The following PDE4D variants were observed in gnomAD, a reference collection of about 807,000 sequenced individuals.
The protein encoded by PDE4D is phosphodiesterase 4D.
PDE4D carries 24 observed loss-of-function variants against 87.4 expected under a neutral mutation model. That is an observed-to-expected ratio of 0.27 (90% CI 0.20 to 0.39). The LOEUF (loss-of-function observed/expected upper bound fraction) is 0.39. PDE4D is among the 10% of genes least tolerant of loss of function. The pLI is 1.00. For synonymous variants in PDE4D, 384 were observed against 383.2 expected (o/e 1.00, Z -0.02); for missense variants, 714 against 1,041.0 (o/e 0.69, Z 4.32).
At chr5:59,933,573 T>C (rs370567649) in intron 3 of PDE4D, among the ~76,000 whole-genome samples, 3 of 152,240 alleles carry the variant, frequency 2.0e-5, no homozygotes, top group Non-Finnish European at 4.4e-5. Context: ...CTCACACTTA[T>C]GTGAGGTAGC....
intron 1 of PDE4D, among the ~76,000 whole-genome samples, chr5:59,765,239 C>T (rs1762637915): frequency 6.6e-6 from 1 of 152,166 alleles, no homozygotes. Flanking sequence ...TGTTTAGAAG[C>T]AAGGTCTTTC....
At chr5:59,431,916 A>T (rs1207054073) in intron 1 of PDE4D, among the ~76,000 whole-genome samples, 3 of 152,104 alleles carry the variant, frequency 2.0e-5, no homozygotes, top group African/African-American at 7.2e-5. Flanking sequence ...GCTAAGGATA[A>T]TAGCCTCCAG....
intron 1 of PDE4D, among the ~76,000 whole-genome samples, chr5:59,334,643 G>GTACACTGGGAAA (rs1215116833): frequency 3.9e-5 from 6 of 151,980 alleles, no homozygotes; most frequent in African/African-American, 1.5e-4. Flanking sequence ...TTGTGAGTAT[G>GTACACTGGGAAA]TACACTGGGA....
chr5:60,206,382 G>A (rs943697829), intron 1 of PDE4D, among the ~76,000 whole-genome samples: 1 of 152,176 alleles, frequency 6.6e-6, no homozygotes, highest in Non-Finnish European at 1.5e-5. Context: ...CTTTTCTAGT[G>A]CTCTAGAAAT....
chr5:59,380,772 T>A (rs1167865271), intron 1 of PDE4D, among the ~76,000 whole-genome samples: 1 of 150,922 alleles, frequency 6.6e-6, no homozygotes, highest in Non-Finnish European at 1.5e-5. Context: ...CCAACATACA[T>A]CTTGTTCCAA....
chr5:60,457,900 T>C (rs1746598153), intron 1 of PDE4D, among the ~76,000 whole-genome samples: 1 of 152,216 alleles, frequency 6.6e-6, no homozygotes, highest in Non-Finnish European at 1.5e-5. Flanking sequence ...CTTTGGAATT[T>C]CTCTGAACAA....
At chr5:60,209,218 T>C (rs1394888743) in intron 1 of PDE4D, among the ~76,000 whole-genome samples, 1 of 144,592 alleles carries the variant, frequency 6.9e-6, no homozygotes. Context: ...TTAGTGTTAA[T>C]GAGCAGGTCG....
At chr5:59,764,573 G>A (rs571804416) in intron 1 of PDE4D, among the ~76,000 whole-genome samples, 6 of 151,192 alleles carry the variant, frequency 4.0e-5, no homozygotes, top group African/African-American at 1.5e-4. Context: ...CCCAAGAGAA[G>A]TCTAGATAAA....
intron 2 of PDE4D, among the ~76,000 whole-genome samples, chr5:60,050,351 G>A (rs949033089): frequency 2.6e-5 from 4 of 152,134 alleles, no homozygotes; most frequent in African/African-American, 9.7e-5. Flanking sequence ...GGGAGTTGTA[G>A]ACCAGAGCTG....
intron 1 of PDE4D, among the ~76,000 whole-genome samples, chr5:60,227,681 T>C (rs1183022895): frequency 6.6e-6 from 1 of 151,850 alleles, no homozygotes; most frequent in Non-Finnish European, 1.5e-5. Flanking sequence ...GGTTTTACTT[T>C]TGTAAAAACC....
At chr5:60,304,102 A>C (rs370513038) in intron 1 of PDE4D, 1 of 152,298 alleles carries the variant, frequency 6.6e-6, no homozygotes, top group South Asian at 2.1e-4. Context: ...GGGTCATGCT[A>C]ATCTTCTCTG....
chr5:60,277,390 A>C (rs1050610819), intron 1 of PDE4D, among the ~76,000 whole-genome samples: 7 of 152,172 alleles, frequency 4.6e-5, no homozygotes, highest in African/African-American at 1.7e-4. Context: ...TAGAATTAAT[A>C]AATGAATTCA....
intron 1 of PDE4D, among the ~76,000 whole-genome samples, chr5:59,411,955 T>G (rs1792763625): frequency 6.6e-6 from 1 of 152,226 alleles, no homozygotes; most frequent in Admixed American, 6.5e-5. Flanking sequence ...ATTCGCTCAC[T>G]TATTAAATAT....
chr5:60,397,204 T>C (rs1189006316), intron 1 of PDE4D, among the ~76,000 whole-genome samples: 10 of 152,162 alleles, frequency 6.6e-5, no homozygotes, highest in South Asian at 2.1e-4. Flanking sequence ...GGAATGTAAA[T>C]TAGTGCAGCC....
chr5:59,736,186 G>A (rs1290310482), intron 1 of PDE4D, among the ~76,000 whole-genome samples: 1 of 151,230 alleles, frequency 6.6e-6, no homozygotes, highest in African/African-American at 2.4e-5. Context: ...GATTCATCAG[G>A]TAGATATTGA....
intron 1 of PDE4D, among the ~76,000 whole-genome samples, chr5:59,807,944 C>G (rs890879766): frequency 2.0e-5 from 3 of 152,180 alleles, no homozygotes; most frequent in African/African-American, 7.2e-5. Context: ...GTTGGGAAAT[C>G]TGAATTTTAA....
At chr5:59,273,902 T>C (rs1764318966) in intron 1 of PDE4D, among the ~76,000 whole-genome samples, 1 of 152,122 alleles carries the variant, frequency 6.6e-6, no homozygotes, top group South Asian at 2.1e-4. Context: ...TTATTTCCAA[T>C]TGAAACCTGA....
intron 2 of PDE4D, among the ~76,000 whole-genome samples, chr5:60,040,375 C>T (rs961152246): frequency 6.6e-6 from 1 of 152,124 alleles, no homozygotes; most frequent in East Asian, 1.9e-4. Context: ...CACCAATTTC[C>T]CCTTTGAATA....
At chr5:60,361,864 C>T (rs1000346559) in intron 1 of PDE4D, among the ~76,000 whole-genome samples, 1 of 152,194 alleles carries the variant, frequency 6.6e-6, no homozygotes, top group Admixed American at 6.5e-5. Flanking sequence ...ACATCTTAGT[C>T]CACAGTAATT....
Sources: gnomAD v4.1 joint callset for allele counts (sites outside exome capture counted in the v4.1 genomes callset) on GRCh38, gnomAD v4.1.1 for gene constraint, MANE v1.5 for transcripts, NCBI Gene and HGNC (gene_info 2026-07-23, HGNC 2026-07-21) for gene names.